RECQL5: variants seen among roughly 807,000 people sequenced by gnomAD.
RECQL5 encodes the protein ATP-dependent DNA helicase Q5.
RECQL5 carries 88 observed loss-of-function variants against 103.4 expected under a neutral mutation model. The observed-to-expected ratio is 0.85, with a 90% confidence interval of 0.72 to 1.02. The LOEUF is 1.02. RECQL5 is among the 50% of genes least tolerant of loss of function. The pLI is 0.00. For missense variants in RECQL5, 1,232 were observed against 1,284.3 expected, an observed-to-expected ratio of 0.96 and a Z score of 0.62; for synonymous variants, 552 against 507.9, an observed-to-expected ratio of 1.09 and a Z score of -1.17.
intron 8 of RECQL5, chr17:75,638,969 G>GAGTC (rs2059379916): frequency 6.6e-6 from 1 of 152,346 alleles, no homozygotes; most frequent in African/African-American, 2.4e-5. Flanking sequence ...GGCCAGCAGG[G>GAGTC]AGTCCGACCT....
At chr17:75,632,391 T>C (rs913913478) in intron 8 of RECQL5, among the ~76,000 whole-genome samples, 1 of 152,228 alleles carries the variant, frequency 6.6e-6, no homozygotes, top group Non-Finnish European at 1.5e-5. Context: ...CTGGAATTGC[T>C]GTTTGATTTC....
At chr17:75,650,859 T>A in intron 8 of RECQL5, 1 of 1,467,140 alleles carries the variant, frequency 6.8e-7, no homozygotes, top group South Asian at 1.4e-5. Flanking sequence ...CGGTGGCACA[T>A]GATGACCACA....
chr17:75,630,430 G>A, intron 13 of RECQL5, 153 bp from the exon 14 acceptor site: 1 of 880,892 alleles, frequency 1.1e-6, no homozygotes, highest in Non-Finnish European at 1.7e-6. Flanking sequence ...CTGTCCCTCA[G>A]CAGCTGCTGG....
At chr17:75,645,315 C>T (rs149817892) in intron 8 of RECQL5, among the ~76,000 whole-genome samples, 2 of 152,300 alleles carry the variant, frequency 1.3e-5, no homozygotes, top group East Asian at 3.9e-4. Flanking sequence ...TTTCTCCACT[C>T]GCTCTGAGGT....
intron 8 of RECQL5, chr17:75,638,391 G>C (rs933917836): frequency 6.6e-6 from 1 of 152,312 alleles, no homozygotes; most frequent in Non-Finnish European, 1.5e-5. Context: ...TGAGGCAGGA[G>C]AATCACTTGA....
At chr17:75,639,377 G>A (rs897135288) in intron 8 of RECQL5, 4 of 152,280 alleles carry the variant, frequency 2.6e-5, no homozygotes, top group African/African-American at 9.7e-5. Flanking sequence ...GCCCACAGGA[G>A]AGGCAGAAGG....
chr17:75,656,744 CTTTT>C (rs35330392), intron 7 of RECQL5, among the ~76,000 whole-genome samples: 4 of 82,646 alleles, frequency 4.8e-5, no homozygotes, highest in Admixed American at 1.3e-4. Context: ...CTTCTATTGT[CTTTT>C]TTTTTTTTTT....
chr17:75,653,717 G>A (rs2059583018), intron 7 of RECQL5, among the ~76,000 whole-genome samples: 1 of 152,040 alleles, frequency 6.6e-6, no homozygotes, highest in African/African-American at 2.4e-5. Flanking sequence ...TGGCCAATGT[G>A]GTGAAACCTG....
chr17:75,655,491 G>A (rs1303905119), intron 7 of RECQL5, among the ~76,000 whole-genome samples: 1 of 151,826 alleles, frequency 6.6e-6, no homozygotes, highest in Non-Finnish European at 1.5e-5. Flanking sequence ...AGCCTCCCGA[G>A]TAGCTGGGAC....
In RECQL5 at chr17:75,658,456, C is replaced by A; in HGVS notation, c.991G>T (p.Val331Phe). 1 of 1,613,394 alleles carries A rather than the reference C, an allele frequency of 6.2e-7. No homozygotes were observed. The highest frequency in any genetic ancestry group is 2.2e-5 in the East Asian group (1 of 44,842). Residue 331 changes from valine (V) to phenylalanine (F), a missense_variant, in exon 7 of 20, where the codon GTC (valine) becomes TTC (phenylalanine). Val to Phe is a conservative substitution (Grantham distance 50, BLOSUM62 -1). Transcript: ENST00000317905. The part of the protein sequence containing the change: ...MGVDKANVRF[V>F]AHWNIAKSMA... ...GACTTGGCAATATTCCAATGGGCGA[C>A]AAACCTGTAGGATCCAAAGGGACAA...
chr17:75,662,624 A>C lies in RECQL5; in HGVS notation c.626T>G (p.Leu209Arg). 5 of 1,614,182 alleles carry C rather than the reference A, an allele frequency of 3.1e-6. No individual in the cohort carries two copies. The highest frequency in any genetic ancestry group is 1.6e-4 in the Middle Eastern group (1 of 6,062). ...VQEDVFAALH[L>R]KKPVAIFKTP... ...CTTGAAGATGGCAACTGGTTTCTTCAGGTGCAGGGCAGCAAACACGTCCTC... is the reference window on the plus strand; with the variant it reads ...CTTGAAGATGGCAACTGGTTTCTTCCGGTGCAGGGCAGCAAACACGTCCTC... Residue 209 changes from leucine to arginine, a missense_variant, in exon 4 of 20, where the codon CTG (leucine) becomes CGG (arginine). Physicochemically the swap from Leu to Arg is moderately radical, Grantham distance 102. Transcript: ENST00000317905.
Position 75,627,187 on chromosome 17 carries a change from A to T in RECQL5, c.*235T>A, listed in dbSNP as rs1598970189. The stretch of plus-strand genomic sequence containing the variant: ...CTGTCCTCGACATGTGTCCCAGAAA[A>T]CCCAGCCATGAGGACCGCTCTGAGA... On this transcript the variant is annotated 3_prime_UTR_variant, in exon 20 of 20. Coordinates refer to ENST00000317905, the MANE Select transcript of RECQL5 (RefSeq NM_004259.7). 1.6e-6 allele frequency: 1 copy of T among 635,902 alleles called. No homozygotes were observed. The allele number at this position is 635,902 out of a possible 1,614,324, so 39.4% of individuals were successfully genotyped here.
chr17:75,647,306 C>T (rs1170892835), intron 8 of RECQL5: 16 of 1,397,310 alleles, frequency 1.1e-5, no homozygotes, highest in Non-Finnish European at 1.5e-5. Context: ...GCGGGCAGAG[C>T]ATAGCACCTG....
chr17:75,666,884 T>C, intron 1 of RECQL5, 160 bp downstream of exon 1: 1 of 276,548 alleles, frequency 3.6e-6, no homozygotes, highest in South Asian at 4.6e-5. Context: ...GGGAACCGTT[T>C]TCCTAAGATC....
At chr17:75,633,467 G>A in intron 8 of RECQL5, 1 of 1,289,124 alleles carries the variant, frequency 7.8e-7, no homozygotes, top group Non-Finnish European at 1.0e-6. Context: ...ACCTCACAAG[G>A]AACATGAGGC....
chr17:75,664,930 A>G (rs1193746294), intron 3 of RECQL5, 121 bp downstream of exon 3: 9 of 1,251,118 alleles, frequency 7.2e-6, no homozygotes, highest in Admixed American at 5.9e-5. Context: ...AAAAAAAAAA[A>G]GGAAAAAGAA....
rs1298038770 is a variant in RECQL5 at position 75,662,772 on chromosome 17, G to A, written c.478C>T (p.His160Tyr). The A allele has an allele frequency of 3.1e-6, 5 of 1,614,010 alleles. No individual in the cohort carries two copies. The African/African-American group carries it at 6.7e-5, about 22-fold the overall frequency. ...LLSYLVVDEA[H>Y]CVSQWGHDFR... ...TCATGCCCCCATTGGGAAACACAAT[G>A]AGCTTCATCCACCACCAAGTAAGAC... The change falls in exon 4 of 20, where the codon CAT (histidine) becomes TAT (tyrosine). Residue 160 changes from histidine to tyrosine, a missense_variant. Transcript: ENST00000317905.
At chr17:75,655,384 G>A (rs527386665) in intron 7 of RECQL5, among the ~76,000 whole-genome samples, 1 of 139,300 alleles carries the variant, frequency 7.2e-6, no homozygotes, top group East Asian at 2.2e-4. Context: ...TTTTTTTTGA[G>A]ACAGAGTCTC....
intron 8 of RECQL5, chr17:75,635,960 T>C (rs2059314326): frequency 3.3e-6 from 2 of 604,728 alleles, no homozygotes; most frequent in South Asian, 1.5e-4. Flanking sequence ...CAAGGCTCCG[T>C]GTGCCAGGAG....
Sources: allele counts gnomAD v4.1 joint callset (sites outside exome capture counted in the v4.1 genomes callset), GRCh38; gene constraint gnomAD v4.1.1; transcripts MANE v1.5; gene names NCBI Gene and HGNC (gene_info 2026-07-23, HGNC 2026-07-21).